Variants in TRPM3 observed in about 807,000 individuals in gnomAD.
The protein encoded by TRPM3 is transient receptor potential cation channel subfamily M member 3.
In TRPM3, 77 loss-of-function variants were observed where a neutral mutation model predicts 181.2. The observed-to-expected ratio is 0.42, with a 90% CI of 0.35 to 0.51. TRPM3 has a LOEUF of 0.51. TRPM3 is among the 20% of genes least tolerant of loss of function. The pLI, the probability that TRPM3 is intolerant of heterozygous loss-of-function variation, is 0.01. For synonymous variants in TRPM3, 745 were observed against 796.4 expected (o/e 0.94, Z 1.09); for missense variants, 1,759 against 2,196.7 (o/e 0.80, Z 3.98).
chr9:71,428,180 C>T (rs573656799), intron 1 of TRPM3, among the ~76,000 whole-genome samples: 12 of 152,028 alleles, frequency 7.9e-5, no homozygotes, highest in Admixed American at 2.0e-4. Context: ...CAACCTCCAC[C>T]TCCTGGGTTC....
At chr9:71,415,596 C>T (rs1032614635) in intron 1 of TRPM3, among the ~76,000 whole-genome samples, 8 of 151,902 alleles carry the variant, frequency 5.3e-5, no homozygotes, top group Non-Finnish European at 1.2e-4. Context: ...AAATTACAAG[C>T]AGACTTTGAT....
intron 1 of TRPM3, among the ~76,000 whole-genome samples, chr9:71,203,221 T>G: frequency 6.6e-6 from 1 of 152,314 alleles, no homozygotes; most frequent in Non-Finnish European, 1.5e-5. Flanking sequence ...AGAATGCTGG[T>G]TTTACCACTT....
At chr9:71,141,936 G>C (rs753703718) in intron 1 of TRPM3, among the ~76,000 whole-genome samples, 6 of 151,912 alleles carry the variant, frequency 3.9e-5, no homozygotes, top group Admixed American at 6.6e-5. Context: ...CCATTCACTG[G>C]GGCCATAATA....
At chr9:71,424,403 G>A (rs542525035) in intron 1 of TRPM3, among the ~76,000 whole-genome samples, 1 of 152,228 alleles carries the variant, frequency 6.6e-6, no homozygotes, top group Non-Finnish European at 1.5e-5. Flanking sequence ...GGCCAAGGCA[G>A]TGTGCTAGGT....
intron 1 of TRPM3, among the ~76,000 whole-genome samples, chr9:70,866,037 G>C (rs2095643491): frequency 6.6e-6 from 1 of 151,974 alleles, no homozygotes; most frequent in Admixed American, 6.6e-5. Flanking sequence ...AAGGCTAGTG[G>C]CTACCTCTTT....
chr9:70,985,473 T>C (rs2134065931), intron 1 of TRPM3, among the ~76,000 whole-genome samples: 1 of 152,350 alleles, frequency 6.6e-6, no homozygotes, highest in Non-Finnish European at 1.5e-5. Flanking sequence ...GTATGTATAT[T>C]TCCAAGCTTC....
intron 1 of TRPM3, among the ~76,000 whole-genome samples, chr9:71,057,847 TTTTACC>T (rs1211337261): frequency 1.6e-4 from 25 of 152,178 alleles, no homozygotes; most frequent in African/African-American, 5.8e-4. Flanking sequence ...AGACTCAAAT[TTTTACC>T]TTTACATGTT....
In TRPM3 at chr9:70,828,472, T is replaced by C. The variant is rs76390926; in HGVS notation, c.802-454A>G. On this transcript the variant is annotated intron_variant, in intron 5 of 25. Transcript: ENST00000677713. Reference sequence around the variant, plus strand: ...GGGGAGCTAGGAGAAATGTGATTCTTTCTGTCAATCTCATTCAGTAATTTG... The same window carrying C: ...GGGGAGCTAGGAGAAATGTGATTCTCTCTGTCAATCTCATTCAGTAATTTG... Among the ~76,000 whole-genome samples, 1,519 of 152,276 alleles carry C rather than the reference T, an allele frequency of 1.0e-2. 32 individuals are homozygous for C. Among genetic ancestry groups the C allele is most frequent in the African/African-American group, 0.035 (1,451 of 41,564 alleles).
At chr9:71,335,557 A>C (rs963737647) in intron 1 of TRPM3, among the ~76,000 whole-genome samples, 2 of 152,148 alleles carry the variant, frequency 1.3e-5, no homozygotes, top group African/African-American at 4.8e-5. Flanking sequence ...TCTGAATATA[A>C]TTGCTGAAAT....
At chr9:71,238,593 T>G (rs1178588571) in intron 1 of TRPM3, among the ~76,000 whole-genome samples, 1 of 152,228 alleles carries the variant, frequency 6.6e-6, no homozygotes, top group Non-Finnish European at 1.5e-5. Context: ...TGATGAAATA[T>G]TATCAATATA....
chr9:71,202,924 C>T (rs1331824793), intron 1 of TRPM3, among the ~76,000 whole-genome samples: 1 of 152,168 alleles, frequency 6.6e-6, no homozygotes, highest in Non-Finnish European at 1.5e-5. Flanking sequence ...CTTTAAACAG[C>T]AACATTGTAA....
intron 1 of TRPM3, among the ~76,000 whole-genome samples, chr9:71,217,462 T>C (rs1056932416): frequency 6.6e-6 from 1 of 152,188 alleles, no homozygotes; most frequent in Non-Finnish European, 1.5e-5. Context: ...CGGCTAAGCA[T>C]AGCAGTCCTC....
At chr9:70,829,584 G>T (rs918326872) in intron 5 of TRPM3, among the ~76,000 whole-genome samples, 1 of 152,074 alleles carries the variant, frequency 6.6e-6, no homozygotes, top group African/African-American at 2.4e-5. Flanking sequence ...ATGTAGTATT[G>T]CTATAATGTT....
At chr9:71,069,431 C>A (rs190926795) in intron 1 of TRPM3, among the ~76,000 whole-genome samples, 1 of 152,154 alleles carries the variant, frequency 6.6e-6, no homozygotes, top group East Asian at 1.9e-4. Flanking sequence ...CCTGCCTTGG[C>A]CTCCCAAAGT....
intron 22 of TRPM3, among the ~76,000 whole-genome samples, chr9:70,556,612 C>T (rs1422259297): frequency 6.6e-6 from 1 of 152,112 alleles, no homozygotes; most frequent in Admixed American, 6.5e-5. Flanking sequence ...GTCACAGCTA[C>T]TTGGGAGGCT....
chr9:71,401,601 T>C (rs1283444366), intron 1 of TRPM3, among the ~76,000 whole-genome samples: 1 of 152,212 alleles, frequency 6.6e-6, no homozygotes, highest in Admixed American at 6.5e-5. Context: ...ATTCATTGCA[T>C]GTTCTAGAAC....
At chr9:70,884,719 TCTG>T (rs2096059446) in intron 1 of TRPM3, among the ~76,000 whole-genome samples, 1 of 152,228 alleles carries the variant, frequency 6.6e-6, no homozygotes, top group African/African-American at 2.4e-5. Flanking sequence ...GGGCATGTAT[TCTG>T]CTAATTTAAG....
chr9:71,047,119 T>A (rs1057040118), intron 1 of TRPM3, among the ~76,000 whole-genome samples: 3 of 152,204 alleles, frequency 2.0e-5, no homozygotes, highest in Non-Finnish European at 4.4e-5. Context: ...TGTGTGTACA[T>A]GTAAGTGTGT....
intron 6 of TRPM3, chr9:70,811,133 T>G (rs2091946165): frequency 6.6e-7 from 1 of 1,515,712 alleles, no homozygotes; most frequent in African/African-American, 1.4e-5. Context: ...TCTTGGAGTT[T>G]AAGAAGAAAT....
Sources: gnomAD v4.1 joint callset for allele counts (sites outside exome capture counted in the v4.1 genomes callset) on GRCh38, gnomAD v4.1.1 for gene constraint, MANE v1.5 for transcripts, NCBI Gene and HGNC (gene_info 2026-07-23, HGNC 2026-07-21) for gene names.